The following DAB2IP variants were observed in gnomAD, a reference collection of about 807,000 sequenced individuals.
DAB2IP encodes the protein disabled homolog 2-interacting protein.
A neutral mutation model predicts 107.2 loss-of-function variants in DAB2IP; 28 were observed. That is an observed-to-expected ratio of 0.26 (90% CI 0.19 to 0.36). DAB2IP has a LOEUF of 0.36. Ranked by LOEUF, DAB2IP falls within the 10% of genes least tolerant of loss-of-function variation. The pLI is 1.00. For missense variants in DAB2IP, 1,400 were observed against 1,644.7 expected, an observed-to-expected ratio of 0.85 and a Z score of 2.57; for synonymous variants, 755 against 706.4, an observed-to-expected ratio of 1.07 and a Z score of -1.09.
chr9:121,752,638 A>G (rs925107552), intron 3 of DAB2IP, among the ~76,000 whole-genome samples: 6 of 152,154 alleles, frequency 3.9e-5, no homozygotes, highest in Non-Finnish European at 5.9e-5. Context: ...CCTGGGATGG[A>G]GGGGCCCAGC....
intron 2 of DAB2IP, among the ~76,000 whole-genome samples, chr9:121,696,358 GT>G (rs1311631569): frequency 6.6e-6 from 1 of 152,184 alleles, no homozygotes; most frequent in Non-Finnish European, 1.5e-5. Context: ...CAAGAACCCT[GT>G]TTGACTGAAT....
chr9:121,626,849 G>A (rs999575975), intron 1 of DAB2IP, among the ~76,000 whole-genome samples: 11 of 151,762 alleles, frequency 7.2e-5, no homozygotes, highest in African/African-American at 2.7e-4. Context: ...AGGTTCTCTT[G>A]TGTTTTGAAT....
At chr9:121,580,162 T>G (rs1219044586) in intron 1 of DAB2IP, among the ~76,000 whole-genome samples, 1 of 152,204 alleles carries the variant, frequency 6.6e-6, no homozygotes, top group Admixed American at 6.5e-5. Context: ...GTTGGAGCCC[T>G]GGTCTTTGCT....
At chr9:121,620,178 C>T (rs1473862039) in intron 1 of DAB2IP, among the ~76,000 whole-genome samples, 1 of 152,192 alleles carries the variant, frequency 6.6e-6, no homozygotes, top group Non-Finnish European at 1.5e-5. Flanking sequence ...CTCAAATGGG[C>T]GGCTCCGACT....
At chr9:121,626,060 C>T (rs915003997) in intron 1 of DAB2IP, among the ~76,000 whole-genome samples, 1 of 152,122 alleles carries the variant, frequency 6.6e-6, no homozygotes, top group Non-Finnish European at 1.5e-5. Context: ...GCCCTGGGAG[C>T]CCCCTCTGAG....
chr9:121,741,636 GGGT>G (rs1832354770), intron 3 of DAB2IP, among the ~76,000 whole-genome samples: 1 of 151,830 alleles, frequency 6.6e-6, no homozygotes, highest in African/African-American at 2.4e-5. Context: ...GGTGGCAGAG[GGGT>G]GATCCTGCCT....
intron 1 of DAB2IP, among the ~76,000 whole-genome samples, chr9:121,675,751 A>G (rs1194254353): frequency 6.6e-6 from 1 of 152,146 alleles, no homozygotes; most frequent in Non-Finnish European, 1.5e-5. Flanking sequence ...GGTCATTGGT[A>G]GCTTGGCTGA....
intron 1 of DAB2IP, among the ~76,000 whole-genome samples, chr9:121,665,197 A>G (rs979417820): frequency 6.6e-6 from 1 of 152,234 alleles, no homozygotes; most frequent in African/African-American, 2.4e-5. Flanking sequence ...TTCTAATTTA[A>G]TAATATAGAT....
chr9:121,695,709 C>T (rs1829388082), intron 2 of DAB2IP, among the ~76,000 whole-genome samples: 1 of 152,088 alleles, frequency 6.6e-6, no homozygotes, highest in Non-Finnish European at 1.5e-5. Flanking sequence ...TGGGGACCAC[C>T]TATAATCTTT....
chr9:121,775,141 C>T (rs1034909331), intron 13 of DAB2IP, among the ~76,000 whole-genome samples: 2 of 152,226 alleles, frequency 1.3e-5, no homozygotes, highest in African/African-American at 4.8e-5. Context: ...CTACTGCCAG[C>T]TGCAGTCCAT....
At chr9:121,708,522 C>A (rs1830170113) in intron 3 of DAB2IP, among the ~76,000 whole-genome samples, 1 of 152,224 alleles carries the variant, frequency 6.6e-6, no homozygotes, top group Non-Finnish European at 1.5e-5. Flanking sequence ...CATGACTGAT[C>A]TGCATTTTGC....
intron 10 of DAB2IP, 48 bp downstream of exon 10, chr9:121,768,681 CT>C (rs779816283): frequency 5.0e-5 from 81 of 1,604,386 alleles, no homozygotes; most frequent in Middle Eastern, 4.3e-4. Flanking sequence ...TGCCATCAGG[CT>C]TTTAGTGTTC....
chr9:121,731,295 G>A (rs1831523593), intron 3 of DAB2IP, among the ~76,000 whole-genome samples: 1 of 152,112 alleles, frequency 6.6e-6, no homozygotes, highest in Non-Finnish European at 1.5e-5. Flanking sequence ...CGGTGCACCT[G>A]TTTTCACATC....
In DAB2IP at chr9:121,782,930, C is replaced by G. The variant is rs1048189816; in HGVS notation, c.*432C>G. 7.8e-6 allele frequency: 8 copies of G among 1,020,958 alleles called. No individual in the cohort carries two copies. Among genetic ancestry groups the G allele is most frequent in the Non-Finnish European group, 9.4e-6 (8 of 851,824 alleles). The allele number at this position is 1,020,958 out of a possible 1,614,324, so 63.2% of individuals were successfully genotyped here. On this transcript the variant is annotated 3_prime_UTR_variant, in exon 16 of 16. Coordinates refer to ENST00000408936, the Ensembl canonical transcript of DAB2IP. This position sits in a 1 kb window ranked among gnomAD's most constrained non-coding sequence, Gnocchi z 6.1. ...TACACCTGTGGCTTCCCCTCGCCTC[C>G]TTGGGGGGCCCGGGACTCCCTGGCA...
At position 121,759,892 on chromosome 9, in the gene DAB2IP, G is replaced by T. The variant is rs778748092; in HGVS notation, c.623G>T (p.Ser208Ile). Residue 208 changes from serine to isoleucine, a missense_variant, in exon 6 of 16, where the codon AGC becomes ATC. Transcript: ENST00000408936. ...ACCCCCGTGCACATACAGGACAACA[G>T]CCGGCGTGTGGAGCACATCCTGAAG... 10 of 1,612,564 alleles carry T rather than the reference G, an allele frequency of 6.2e-6. No homozygotes were observed. The highest frequency in any genetic ancestry group is 8.5e-6 in the Non-Finnish European group (10 of 1,179,066).
intron 13 of DAB2IP, among the ~76,000 whole-genome samples, chr9:121,775,157 C>T (rs1268258313): frequency 4.6e-5 from 7 of 152,180 alleles, no homozygotes; most frequent in East Asian, 1.9e-4. Context: ...TCCATGTAGA[C>T]GGAGGAACCA....
intron 3 of DAB2IP, among the ~76,000 whole-genome samples, chr9:121,726,958 C>T (rs962156088): frequency 2.0e-5 from 3 of 152,196 alleles, no homozygotes; most frequent in African/African-American, 7.2e-5. Context: ...CTCAGTTCCC[C>T]ACCCTGGAAT....
At chr9:121,620,987 A>G (rs533867185) in intron 1 of DAB2IP, among the ~76,000 whole-genome samples, 1 of 152,236 alleles carries the variant, frequency 6.6e-6, no homozygotes, top group East Asian at 1.9e-4. Flanking sequence ...CCTCTCTCGC[A>G]TTCACCTGCT....
intron 1 of DAB2IP, among the ~76,000 whole-genome samples, chr9:121,676,087 TG>T (rs1833891577): frequency 6.6e-6 from 1 of 152,178 alleles, no homozygotes; most frequent in Non-Finnish European, 1.5e-5. Flanking sequence ...AAGAGGCGCC[TG>T]GGGCTGGATG....
Sources: allele counts gnomAD v4.1 joint callset (sites outside exome capture counted in the v4.1 genomes callset), GRCh38; gene constraint gnomAD v4.1.1; non-coding constraint Gnocchi (gnomAD v3.1); transcripts MANE v1.5; gene names NCBI Gene and HGNC (gene_info 2026-07-23, HGNC 2026-07-21).